The following CHL1 variants were observed in gnomAD, a reference collection of about 807,000 sequenced individuals.
The protein encoded by CHL1 is neural cell adhesion molecule L1-like protein.
In CHL1, 96 loss-of-function variants were observed where a neutral mutation model predicts 141.9. That is an observed-to-expected ratio of 0.68 (90% CI 0.57 to 0.80). The LOEUF is 0.80. CHL1 is among the 30% of genes least tolerant of loss of function. The pLI, the probability that CHL1 is intolerant of heterozygous loss-of-function variation, is 0.00. For missense variants in CHL1, 1,820 were observed against 1,457.2 expected (o/e 1.25, Z -4.05); for synonymous variants, 613 against 502.2 (o/e 1.22, Z -2.95).
intron 2 of CHL1, among the ~76,000 whole-genome samples, chr3:315,652 C>A (rs927330030): frequency 6.6e-6 from 1 of 151,976 alleles, no homozygotes; most frequent in Non-Finnish European, 1.5e-5. Flanking sequence ...GAGGTACGCA[C>A]GCTTGTCCAT....
At chr3:360,636 A>G (rs112925429) in intron 12 of CHL1, among the ~76,000 whole-genome samples, 1 of 151,072 alleles carries the variant, frequency 6.6e-6, no homozygotes, top group African/African-American at 2.4e-5. Context: ...CATGTGCACA[A>G]TGTGCAGGTT....
chr3:250,690 G>A (rs1693607830), intron 2 of CHL1, among the ~76,000 whole-genome samples: 1 of 152,068 alleles, frequency 6.6e-6, no homozygotes, highest in African/African-American at 2.4e-5. Flanking sequence ...TATTGCCAAA[G>A]TGGCATATTT....
chr3:336,036 C>T (rs1290561136), intron 5 of CHL1, among the ~76,000 whole-genome samples: 1 of 152,090 alleles, frequency 6.6e-6, no homozygotes. Flanking sequence ...TATTACATTT[C>T]CCACTTATGA....
At chr3:264,070 G>T (rs1415053158) in intron 2 of CHL1, among the ~76,000 whole-genome samples, 3 of 152,052 alleles carry the variant, frequency 2.0e-5, no homozygotes, top group African/African-American at 4.8e-5. Flanking sequence ...TTGTCCCTTG[G>T]GTACTTTGCT....
chr3:325,618 A>T lies in CHL1; in HGVS notation c.92-341A>T, dbSNP rs571665806. Reference sequence around the variant, plus strand: ...TTCAAAGTGACTGAACTAAGTAAAAATGCATATGCATGCTAACATAGATTG... The same window carrying T: ...TTCAAAGTGACTGAACTAAGTAAAATTGCATATGCATGCTAACATAGATTG... On this transcript the variant is annotated intron_variant, in intron 3 of 27. Transcript: ENST00000256509. Among the ~76,000 whole-genome samples, 10 of 152,092 alleles carry T rather than the reference A, an allele frequency of 6.6e-5. No homozygotes were observed. In the East Asian group the frequency reaches 1.2e-3, roughly 18 times the overall value.
chr3:244,787 A>G (rs1693001461), intron 2 of CHL1, 95 bp downstream of exon 2: 1 of 152,202 alleles, frequency 6.6e-6, no homozygotes, highest in Non-Finnish European at 1.5e-5. Context: ...GATAAGGATA[A>G]GGAGACGTTG....
intron 15 of CHL1, among the ~76,000 whole-genome samples, chr3:372,849 C>G (rs1705815385): frequency 6.7e-6 from 1 of 150,176 alleles, no homozygotes; most frequent in South Asian, 2.1e-4. Context: ...TTTCAATGGT[C>G]AGGTCTACCT....
At chr3:205,082 T>C (rs1480754731) in intron 1 of CHL1, among the ~76,000 whole-genome samples, 2 of 142,368 alleles carry the variant, frequency 1.4e-5, no homozygotes, top group African/African-American at 5.0e-5. Flanking sequence ...AGGTTTTCTT[T>C]TTCCTTTTTC....
At chr3:337,904 G>T (rs906339064) in intron 5 of CHL1, among the ~76,000 whole-genome samples, 1 of 152,086 alleles carries the variant, frequency 6.6e-6, no homozygotes, top group Non-Finnish European at 1.5e-5. Context: ...GGGATGGCTG[G>T]GTCAAATGGT....
At chr3:348,767 G>T (rs754013787) in intron 9 of CHL1, among the ~76,000 whole-genome samples, 1 of 152,178 alleles carries the variant, frequency 6.6e-6, no homozygotes, top group Non-Finnish European at 1.5e-5. Context: ...GGGCGAGAAC[G>T]TGATCCAGGA....
Position 349,376 on chromosome 3 carries a change from A to G in CHL1, c.866A>G (p.Asp289Gly), listed in dbSNP as rs748775176. The change falls in exon 10 of 28, where the codon GAT becomes GGT. Residue 289 changes from aspartate (D) to glycine (G), a missense_variant. Transcript: ENST00000256509. The part of the protein sequence containing the change: ...FAEGLPTPQV[D>G]WNKIGGDLPK... ...TTTTGCAGGCCAACTCCACAGGTTG[A>G]TTGGAACAAAATTGGTGGTGACTTA... 6.2e-7 allele frequency: 1 copy of G among 1,613,574 alleles called. No homozygotes were observed. Among genetic ancestry groups the G allele is most frequent in the East Asian group, 2.2e-5 (1 of 44,862 alleles).
intron 1 of CHL1, among the ~76,000 whole-genome samples, chr3:229,896 T>C (rs1157003284): frequency 2.6e-5 from 4 of 152,152 alleles, no homozygotes; most frequent in African/African-American, 9.7e-5. Context: ...GAGATAAAAT[T>C]TCTCTCCCTC....
intron 15 of CHL1, among the ~76,000 whole-genome samples, chr3:371,892 T>A (rs149687872): frequency 0.015 from 2,281 of 152,322 alleles, 25 homozygotes; most frequent in Non-Finnish European, 0.024. Flanking sequence ...TATGAAATTC[T>A]GGGCTGAAAA....
At chr3:348,130 G>T (rs1702925470) in intron 9 of CHL1, among the ~76,000 whole-genome samples, 1 of 152,110 alleles carries the variant, frequency 6.6e-6, no homozygotes, top group Non-Finnish European at 1.5e-5. Context: ...GAGTTAGGAA[G>T]GACATAGGTT....
chr3:239,697 C>G (rs1390408127), intron 1 of CHL1, among the ~76,000 whole-genome samples: 2 of 151,754 alleles, frequency 1.3e-5, no homozygotes, highest in Non-Finnish European at 2.9e-5. Context: ...TTTTGGTGCA[C>G]TCATTACCCA....
At chr3:337,904 G>A (rs906339064) in intron 5 of CHL1, among the ~76,000 whole-genome samples, 2 of 152,086 alleles carry the variant, frequency 1.3e-5, no homozygotes, top group South Asian at 2.1e-4. Context: ...GGGATGGCTG[G>A]GTCAAATGGT....
intron 1 of CHL1, among the ~76,000 whole-genome samples, chr3:241,901 G>T (rs1176712047): frequency 2.0e-5 from 3 of 152,044 alleles, no homozygotes; most frequent in African/African-American, 7.2e-5. Context: ...CTATGTCAAT[G>T]GTGGTGAGGG....
At chr3:273,516 C>G (rs923845390) in intron 2 of CHL1, among the ~76,000 whole-genome samples, 3 of 152,108 alleles carry the variant, frequency 2.0e-5, no homozygotes, top group Admixed American at 2.0e-4. Context: ...CCTCCAGTCC[C>G]TTATTGTTTT....
chr3:360,734 GCCC>G (rs1302321643), intron 12 of CHL1, among the ~76,000 whole-genome samples: 1 of 53,218 alleles, frequency 1.9e-5, no homozygotes, highest in African/African-American at 1.1e-4. Flanking sequence ...ATGCTATCCC[GCCC>G]CCCCTCCCCC....
Sources: gnomAD v4.1 joint callset for allele counts (sites outside exome capture counted in the v4.1 genomes callset) on GRCh38, gnomAD v4.1.1 for gene constraint, MANE v1.5 for transcripts, NCBI Gene and HGNC (gene_info 2026-07-23, HGNC 2026-07-21) for gene names.